The following CEP126 variants were observed in gnomAD, a reference collection of about 807,000 sequenced individuals.
CEP126 encodes the protein centrosomal protein 126.
In CEP126, 74 loss-of-function variants were observed where a neutral mutation model predicts 107.8. The observed-to-expected ratio is 0.69, with a 90% CI of 0.57 to 0.83. The LOEUF is 0.83. Among genes scored for constraint, CEP126 ranks in the 40% least tolerant of loss-of-function variants. CEP126 has a pLI of 0.00. For synonymous variants in CEP126, 449 were observed against 446.0 expected, an observed-to-expected ratio of 1.01 and a Z score of -0.08; for missense variants, 1,237 against 1,281.9, an observed-to-expected ratio of 0.96 and a Z score of 0.53.
rs139061732 is a variant in CEP126, at chr11:101,992,820, C to T, written c.3287C>T (p.Thr1096Ile). 2 of 1,538,608 alleles carry T rather than the reference C, an allele frequency of 1.3e-6. No individual in the cohort carries two copies. Among genetic ancestry groups the T allele is most frequent in the South Asian group, 2.6e-5 (2 of 78,326 alleles). The change falls in exon 10 of 11, where the codon ACT becomes ATT. Residue 1096 changes from threonine to isoleucine, a missense_variant. Physicochemically the swap from Thr to Ile is moderately conservative, Grantham distance 89 (BLOSUM62 -1). This residue lies in a region of CEP126 where 99 missense variants were observed against 114.4 expected (regional missense o/e 0.87). Coordinates refer to ENST00000263468, the MANE Select transcript of CEP126 (RefSeq NM_020802.4). ...TGCAAAAACCCATCCATCAAAAATA[C>T]TTTACAAATAATACCACTTCTGGTA... ...SICKNPSIKN[T>I]LQIIPLLEKR...
In CEP126 at chr11:101,956,281, A is replaced by T. The variant is rs1308452449; in HGVS notation, c.507-1887A>T. On this transcript the variant is annotated intron_variant, in intron 4 of 10. Coordinates refer to ENST00000263468, the MANE Select transcript of CEP126 (RefSeq NM_020802.4). ...TTCCAGCTCCACTGGTTGTTTCCCC[A>T]ACCCCTTTGGAACCTCTCCCTGTTT... The T allele has an allele frequency of 1.1e-5, 5 of 456,062 alleles. No individual in the cohort carries two copies. In the Admixed American group the frequency reaches 1.2e-4, roughly 11 times the overall value. The allele number at this position is 456,062 out of a possible 1,614,324, so 28.3% of individuals were successfully genotyped here.
intron 4 of CEP126, chr11:101,956,397 T>G (rs758117104): frequency 2.2e-6 from 1 of 456,368 alleles, no homozygotes; most frequent in South Asian, 1.5e-5. Context: ...CCTGCTAGCT[T>G]GGATCCTTTT....
intron 1 of CEP126, among the ~76,000 whole-genome samples, chr11:101,917,028 ATG>A (rs57573389): frequency 0.24 from 33,175 of 135,544 alleles, 4,135 homozygotes; most frequent in Non-Finnish European, 0.31. Context: ...AAATCCAACA[ATG>A]TGTGTGTGTG....
rs768896580 is a variant in CEP126, at chr11:101,922,743, G to C, written c.231G>C (p.Glu77Asp). 2.5e-6 allele frequency: 4 copies of C among 1,612,152 alleles called. No individual in the cohort carries two copies. The highest frequency in any genetic ancestry group is 1.3e-5 in the African/African-American group (1 of 75,006). The change falls in exon 2 of 11, where the codon GAG (glutamate) becomes GAC (aspartate). Residue 77 changes from glutamate (E) to aspartate (D), a missense_variant. By Grantham distance (45) the Glu-to-Asp change is conservative (BLOSUM62 2). This residue lies in a region of CEP126 where 1,134 missense variants were observed against 1,150.5 expected (regional missense o/e 0.99). Coordinates refer to ENST00000263468, the MANE Select transcript of CEP126 (RefSeq NM_020802.4). ...ATCGAGCACGTAAATATTTTGTGGA[G>C]TCAAATCGGAGAAAAAAGTAAGTAA... ...CRNRARKYFV[E>D]SNRRKKAFEE...
Position 101,997,683 on chromosome 11 carries a change from C to G in CEP126, c.*40C>G. On this transcript the variant is annotated 3_prime_UTR_variant, in exon 11 of 11. Transcript: ENST00000263468. ...GTCTAAGAAGACCTTTCATGTACTT[C>G]CCTAGGACTAGATGCATACCGTTTT... 1 of 1,613,402 alleles carries G rather than the reference C, an allele frequency of 6.2e-7. No homozygotes were observed. Among genetic ancestry groups the G allele is most frequent in the Non-Finnish European group, 8.5e-7 (1 of 1,179,718 alleles).
At chr11:101,988,706 A>G (rs1941341294) in intron 9 of CEP126, among the ~76,000 whole-genome samples, 1 of 152,078 alleles carries the variant, frequency 6.6e-6, no homozygotes, top group Admixed American at 6.6e-5. Flanking sequence ...ATGTCTCTCA[A>G]GAAGGGGGGT....
intron 6 of CEP126, among the ~76,000 whole-genome samples, chr11:101,975,146 C>T (rs1399275197): frequency 6.6e-6 from 1 of 152,002 alleles, no homozygotes; most frequent in Non-Finnish European, 1.5e-5. Flanking sequence ...GAAACTATAA[C>T]ATTTTGCATA....
chr11:101,930,180 G>C (rs1336665453), intron 2 of CEP126, among the ~76,000 whole-genome samples: 1 of 89,946 alleles, frequency 1.1e-5, no homozygotes, highest in Non-Finnish European at 2.0e-5. Flanking sequence ...GGAGGGCGTA[G>C]TTGCCCCTTG....
intron 6 of CEP126, 42 bp from the exon 7 acceptor site, chr11:101,978,305 C>G: frequency 1.5e-6 from 2 of 1,347,690 alleles, no homozygotes; most frequent in South Asian, 2.4e-5. Context: ...ATTGGCTACT[C>G]AACTAGCATA....
Position 101,983,004 on chromosome 11 carries a change from A to G in CEP126, c.3034+1040A>G, listed in dbSNP as rs960434224. Among the ~76,000 whole-genome samples, 5 of 152,310 alleles carry G rather than the reference A, an allele frequency of 3.3e-5. No homozygotes were observed. In the South Asian group the frequency reaches 1.0e-3, roughly 32 times the overall value. ...ATGCACACCCAGATTCCCCCATGTA[A>G]GCATGCTCACAAGGAGTAATAAAAT... On this transcript the variant is annotated intron_variant, in intron 8 of 10. Transcript: ENST00000263468.
chr11:101,945,586 C>A (rs1237015034), intron 3 of CEP126, among the ~76,000 whole-genome samples: 1 of 152,116 alleles, frequency 6.6e-6, no homozygotes, highest in East Asian at 1.9e-4. Flanking sequence ...GTTTATTTTT[C>A]TCCCATATAA....
intron 2 of CEP126, among the ~76,000 whole-genome samples, chr11:101,934,642 A>T (rs1169105796): frequency 6.6e-6 from 1 of 151,890 alleles, no homozygotes; most frequent in Non-Finnish European, 1.5e-5. Context: ...CATAGCAACC[A>T]CTGTTATAAT....
chr11:101,972,631 T>C (rs1025298072), intron 6 of CEP126, among the ~76,000 whole-genome samples: 1 of 151,728 alleles, frequency 6.6e-6, no homozygotes, highest in Non-Finnish European at 1.5e-5. Flanking sequence ...TGAAACCCTG[T>C]CTCTACTAAA....
At chr11:101,953,624 AAGGGAATTAAAATCAAGAAAGAT>A (rs1287513496) in intron 4 of CEP126, among the ~76,000 whole-genome samples, 1 of 152,096 alleles carries the variant, frequency 6.6e-6, no homozygotes, top group Non-Finnish European at 1.5e-5. Flanking sequence ...TGCGGAAACC[AAGGGAATTAAAATCAAGAAAGAT>A]AGTGGTCAAG....
chr11:101,968,337 A>G (rs1941084040), intron 6 of CEP126, among the ~76,000 whole-genome samples: 1 of 152,232 alleles, frequency 6.6e-6, no homozygotes, highest in Non-Finnish European at 1.5e-5. Flanking sequence ...TCAACTCTAT[A>G]TATCTTCATG....
In CEP126 at chr11:101,963,463, A is replaced by G; in HGVS notation, c.2428A>G (p.Ile810Val). ...PCPPPQSTSN[I>V]RSGKNIQVSQ... ...TCCTCCTCCTCAATCTACATCAAAT[A>G]TTAGAAGTGGTAAAAATATACAAGT... Residue 810 changes from isoleucine (I) to valine (V), a missense_variant, in exon 6 of 11, where the codon ATT becomes GTT. Transcript: ENST00000263468. 6.2e-7 allele frequency: 1 copy of G among 1,614,144 alleles called. No individual in the cohort carries two copies. The highest frequency in any genetic ancestry group is 8.5e-7 in the Non-Finnish European group (1 of 1,180,008).
rs1235673501 is a variant in CEP126, at chr11:101,983,187, T to C, written c.3034+1223T>C. Among the ~76,000 whole-genome samples, 3 of 152,176 alleles carry C rather than the reference T, an allele frequency of 2.0e-5. No individual in the cohort carries two copies. The East Asian group carries it at 5.8e-4, about 29-fold the overall frequency. ...CTGAAGATACCCCTGTGGGTAGCAG[T>C]GATAAGAAAAAGAGGAAACATTTCT... On this transcript the variant is annotated intron_variant, in intron 8 of 10. Coordinates refer to ENST00000263468, the MANE Select transcript of CEP126 (RefSeq NM_020802.4).
At chr11:101,939,458 G>A (rs1046844902) in intron 2 of CEP126, among the ~76,000 whole-genome samples, 2 of 152,100 alleles carry the variant, frequency 1.3e-5, no homozygotes, top group Admixed American at 6.5e-5. Flanking sequence ...AATTTCTCAA[G>A]CTTTTCCATT....
intron 5 of CEP126, among the ~76,000 whole-genome samples, chr11:101,960,435 G>C (rs1355142338): frequency 1.3e-5 from 2 of 152,074 alleles, no homozygotes; most frequent in Non-Finnish European, 2.9e-5. Flanking sequence ...TGCCTTCCAG[G>C]CCTGATTTCA....
Sources: allele counts gnomAD v4.1 joint callset (sites outside exome capture counted in the v4.1 genomes callset), GRCh38; gene constraint gnomAD v4.1.1; regional missense constraint gnomAD v4.1.1; transcripts MANE v1.5; gene names NCBI Gene and HGNC (gene_info 2026-07-23, HGNC 2026-07-21).